The following NRG2 variants were observed in gnomAD, a reference collection of about 807,000 sequenced individuals.
NRG2 encodes neuregulin 2, also known as pro-neuregulin-2, membrane-bound isoform.
A neutral mutation model predicts 73.9 loss-of-function variants in NRG2; 27 were observed. That is an observed-to-expected ratio of 0.37 (90% CI 0.27 to 0.50). The LOEUF (loss-of-function observed/expected upper bound fraction) is 0.50. NRG2 is among the 20% of genes least tolerant of loss of function. NRG2 has a pLI of 0.96. For synonymous variants in NRG2, 532 were observed against 541.0 expected, an observed-to-expected ratio of 0.98 and a Z score of 0.23; for missense variants, 1,126 against 1,210.1, an observed-to-expected ratio of 0.93 and a Z score of 1.03.
At position 140,042,973 on chromosome 5, in the gene NRG2, T is replaced by C. The variant is rs1345496612; in HGVS notation, c.97A>G (p.Ser33Gly). 4 of 1,547,780 alleles carry C rather than the reference T, an allele frequency of 2.6e-6. No homozygotes were observed. Among genetic ancestry groups the C allele is most frequent in the Non-Finnish European group, 2.6e-6 (3 of 1,148,774 alleles). Residue 33 changes from serine to glycine, a missense_variant, in exon 1 of 10, where the codon AGC becomes GGC. Coordinates refer to ENST00000361474, the MANE Select transcript of NRG2 (RefSeq NM_004883.3). ...SDSSSSSSER[S>G]SSSSSSSSES... Reference sequence around the variant, plus strand: ...CTGCTGCTGCTGCTGCTGCTGCTGCTCCTCTCGCTGCTGCTGCTGCTGCTG... The same window carrying C: ...CTGCTGCTGCTGCTGCTGCTGCTGCCCCTCTCGCTGCTGCTGCTGCTGCTG...
chr5:140,014,293 G>C (rs1308655227), intron 1 of NRG2, among the ~76,000 whole-genome samples: 1 of 151,962 alleles, frequency 6.6e-6, no homozygotes, highest in East Asian at 1.9e-4. Flanking sequence ...CTACAGTGTA[G>C]TGGTGAAATC....
At chr5:139,974,686 C>T (rs1273956792) in intron 1 of NRG2, among the ~76,000 whole-genome samples, 2 of 152,112 alleles carry the variant, frequency 1.3e-5, no homozygotes, top group East Asian at 3.8e-4. Context: ...TGTTACCAGC[C>T]CCTATTTCTC....
chr5:139,950,372 T>C (rs1346509773), intron 1 of NRG2, among the ~76,000 whole-genome samples: 3 of 152,220 alleles, frequency 2.0e-5, no homozygotes, highest in Admixed American at 2.0e-4. Context: ...CCCAGGAGTA[T>C]GATACACCTT....
chr5:139,851,827 C>G lies in NRG2; in HGVS notation c.1549G>C (p.Glu517Gln), dbSNP rs199629334. Reference sequence around the variant, plus strand: ...CGTTCCAGGCTCCACGTGTGGCTCTCGTGTCTGGGAAGGCCAGATGGGGTG... The same window carrying G: ...CGTTCCAGGCTCCACGTGTGGCTCTGGTGTCTGGGAAGGCCAGATGGGGTG... ...TATPTSSHRH[E>Q]SHTWSLERSE... Residue 517 changes from glutamate to glutamine, a missense_variant, in exon 9 of 10, where the codon GAG becomes CAG. This residue lies in a region of NRG2 where 539 missense variants were observed against 703.2 expected (regional missense o/e 0.77). Coordinates refer to ENST00000361474, the MANE Select transcript of NRG2 (RefSeq NM_004883.3). This position sits in a 1 kb window ranked among gnomAD's most constrained non-coding sequence, Gnocchi z 4.2. 3.5e-5 allele frequency: 57 copies of G among 1,613,916 alleles called. No individual in the cohort carries two copies. Among genetic ancestry groups the G allele is most frequent in the Non-Finnish European group, 4.7e-5 (56 of 1,179,964 alleles).
Position 139,852,965 on chromosome 5 carries a change from C to A in NRG2, c.1355G>T (p.Arg452Leu). 6.2e-7 allele frequency: 1 copy of A among 1,612,768 alleles called. No individual in the cohort carries two copies. Among genetic ancestry groups the A allele is most frequent in the South Asian group, 1.1e-5 (1 of 90,876 alleles). ...GTGGCTGGGCCCATTGGCCAAGCTC[C>A]GGTTCTGATGGGCCGGGCACATGTT... ...RQNMCPAHQN[R>L]SLANGPSHPR... is the part of the protein sequence containing the mutation. The change falls in exon 7 of 10, where the codon CGG becomes CTG. Residue 452 changes from arginine (R) to leucine (L), a missense_variant. Arg to Leu is a moderately radical substitution (Grantham distance 102). Around this residue, in one of 3 missense-constraint regions of NRG2, gnomAD observed 539 missense variants for 703.2 expected, o/e 0.77. Coordinates refer to ENST00000361474, the MANE Select transcript of NRG2 (RefSeq NM_004883.3). This position sits in a 1 kb window ranked among gnomAD's most constrained non-coding sequence, Gnocchi z 4.4.
intron 1 of NRG2, among the ~76,000 whole-genome samples, chr5:139,981,617 G>A (rs1756807170): frequency 6.6e-6 from 1 of 152,226 alleles, no homozygotes; most frequent in Admixed American, 6.5e-5. Flanking sequence ...CTCAGGAATA[G>A]GGGAGTGATC....
At chr5:140,009,571 T>A (rs1004627242) in intron 1 of NRG2, among the ~76,000 whole-genome samples, 3 of 152,234 alleles carry the variant, frequency 2.0e-5, no homozygotes. Context: ...TGTAAGAAAC[T>A]GCCAAACGCT....
chr5:139,954,621 C>T lies in NRG2; in HGVS notation c.701-67110G>A, dbSNP rs73271495. ...ACGTCATCAATCCTCACTCCCATGG[C>T]TCTCCAGGCCAAGCCCTCCACCCCA... On this transcript the variant is annotated intron_variant, in intron 1 of 9. Transcript: ENST00000361474. This position sits in a 1 kb window ranked among gnomAD's most constrained non-coding sequence, Gnocchi z 5.0. 0.017 allele frequency among the ~76,000 whole-genome samples: 2,612 copies of T among 152,348 alleles called. 106 individuals are homozygous for T. The highest frequency in any genetic ancestry group is 0.061 in the African/African-American group (2,521 of 41,582).
chr5:139,993,872 A>T (rs915469543), intron 1 of NRG2, among the ~76,000 whole-genome samples: 1 of 152,238 alleles, frequency 6.6e-6, no homozygotes, highest in African/African-American at 2.4e-5. Context: ...GAATCCATAT[A>T]GTCAAATATA....
At chr5:139,898,967 T>C (rs529092006) in intron 1 of NRG2, among the ~76,000 whole-genome samples, 6 of 152,298 alleles carry the variant, frequency 3.9e-5, no homozygotes, top group African/African-American at 1.4e-4. Flanking sequence ...CAACCCCATC[T>C]CCTCCTCCAC....
In NRG2 at chr5:139,954,397, G is replaced by A. The variant is rs1297578198; in HGVS notation, c.701-66886C>T. Among the ~76,000 whole-genome samples, 1 of 152,204 alleles carries A rather than the reference G, an allele frequency of 6.6e-6. No individual in the cohort carries two copies. Among genetic ancestry groups the A allele is most frequent in the Non-Finnish European group, 1.5e-5 (1 of 68,036 alleles). On this transcript the variant is annotated intron_variant, in intron 1 of 9. Transcript: ENST00000361474. This position sits in a 1 kb window ranked among gnomAD's most constrained non-coding sequence, Gnocchi z 5.0. ...AATGAAATGACTGGAGGGGCAGGAA[G>A]GGAGGGAAATTGTGCCAGCACTCTC... is the stretch of plus-strand genomic sequence containing the variant.
chr5:139,901,707 C>T (rs991960713), intron 1 of NRG2, among the ~76,000 whole-genome samples: 8 of 152,234 alleles, frequency 5.3e-5, no homozygotes, highest in African/African-American at 1.7e-4. Context: ...CTGGTGAAGA[C>T]CAAAGTCTGC....
chr5:140,029,795 C>G (rs1406754548), intron 1 of NRG2, among the ~76,000 whole-genome samples: 2 of 152,044 alleles, frequency 1.3e-5, no homozygotes, highest in Non-Finnish European at 2.9e-5. Context: ...AGGACAACCC[C>G]TAAGGGACTG....
At chr5:139,944,633 C>A (rs905204468) in intron 1 of NRG2, among the ~76,000 whole-genome samples, 1 of 152,186 alleles carries the variant, frequency 6.6e-6, no homozygotes, top group Admixed American at 6.5e-5. Flanking sequence ...TGTGTATGTA[C>A]CCCATTTTCT....
chr5:139,914,029 C>T (rs1327685578), intron 1 of NRG2, among the ~76,000 whole-genome samples: 1 of 152,130 alleles, frequency 6.6e-6, no homozygotes, highest in African/African-American at 2.4e-5. Context: ...TGGCACACAC[C>T]TGTAGTCCCA....
intron 1 of NRG2, among the ~76,000 whole-genome samples, chr5:139,969,380 G>A (rs1346884789): frequency 6.6e-6 from 1 of 152,186 alleles, no homozygotes; most frequent in Admixed American, 6.5e-5. Context: ...CAGACATAAG[G>A]CTAACAGGTA....
chr5:139,902,339 A>G (rs947258050), intron 1 of NRG2, among the ~76,000 whole-genome samples: 1 of 152,214 alleles, frequency 6.6e-6, no homozygotes, highest in African/African-American at 2.4e-5. Flanking sequence ...GCAGAGGAAA[A>G]GCCCATTTCC....
intron 1 of NRG2, among the ~76,000 whole-genome samples, chr5:140,022,390 T>C (rs1447081021): frequency 6.6e-6 from 1 of 152,238 alleles, no homozygotes; most frequent in Non-Finnish European, 1.5e-5. Context: ...AGTACATGAT[T>C]TAGTACCCTT....
intron 1 of NRG2, among the ~76,000 whole-genome samples, chr5:140,028,496 C>T (rs1760877634): frequency 6.6e-6 from 1 of 152,056 alleles, no homozygotes; most frequent in Non-Finnish European, 1.5e-5. Flanking sequence ...TCAAGAGGAG[C>T]AGTACTCGAG....
Sources: allele counts gnomAD v4.1 joint callset (sites outside exome capture counted in the v4.1 genomes callset), GRCh38; gene constraint gnomAD v4.1.1; regional missense constraint gnomAD v4.1.1; non-coding constraint Gnocchi (gnomAD v3.1); transcripts MANE v1.5; gene names NCBI Gene and HGNC (gene_info 2026-07-23, HGNC 2026-07-21).